TAFA1: variants seen among roughly 807,000 people sequenced by gnomAD.
TAFA1 encodes chemokine-like protein TAFA-1.
A neutral mutation model predicts 18.5 loss-of-function variants in TAFA1; 4 were observed. The ratio of observed to expected loss-of-function variants is 0.22; its 90% confidence interval spans 0.11 to 0.49. The LOEUF is 0.49. Ranked by LOEUF, TAFA1 falls within the 20% of genes least tolerant of loss-of-function variation. The probability of loss-of-function intolerance (pLI) is 0.98; values close to 1 mark genes in which losing one functional copy is unlikely to be tolerated. For synonymous variants in TAFA1, 56 were observed against 55.2 expected (o/e 1.01, Z -0.06); for missense variants, 147 against 169.0 (o/e 0.87, Z 0.72).
chr3:68,030,067 G>T (rs892607627), intron 2 of TAFA1, among the ~76,000 whole-genome samples: 1 of 151,970 alleles, frequency 6.6e-6, no homozygotes, highest in African/African-American at 2.4e-5. Flanking sequence ...TTTTCTTCAG[G>T]ATATTAACTT....
At chr3:68,372,243 A>G (rs1041710747) in intron 2 of TAFA1, among the ~76,000 whole-genome samples, 1 of 152,170 alleles carries the variant, frequency 6.6e-6, no homozygotes, top group African/African-American at 2.4e-5. Flanking sequence ...AGTGATGACT[A>G]TTTTTGTGGT....
intron 2 of TAFA1, among the ~76,000 whole-genome samples, chr3:68,063,295 A>G (rs1240262832): frequency 6.6e-6 from 1 of 152,224 alleles, no homozygotes; most frequent in Non-Finnish European, 1.5e-5. Flanking sequence ...ACTGAGCTAC[A>G]TACTTTCCCT....
chr3:68,228,387 G>A (rs769390479), intron 2 of TAFA1, among the ~76,000 whole-genome samples: 11 of 152,112 alleles, frequency 7.2e-5, no homozygotes, highest in Non-Finnish European at 1.3e-4. Context: ...AAGTAGCTAG[G>A]ACTGCAAGTG....
intron 2 of TAFA1, among the ~76,000 whole-genome samples, chr3:68,193,839 A>G (rs1304578286): frequency 1.3e-5 from 2 of 151,646 alleles, no homozygotes; most frequent in African/African-American, 4.8e-5. Context: ...GTAACAAACA[A>G]CCCTCAAACC....
At chr3:68,535,846 A>G (rs921975522) in intron 3 of TAFA1, among the ~76,000 whole-genome samples, 4 of 151,938 alleles carry the variant, frequency 2.6e-5, no homozygotes, top group African/African-American at 9.7e-5. Flanking sequence ...GGGATGGGGG[A>G]AAGTTTTTGT....
chr3:68,311,825 C>A (rs2068523512), intron 2 of TAFA1, among the ~76,000 whole-genome samples: 1 of 152,236 alleles, frequency 6.6e-6, no homozygotes, highest in Non-Finnish European at 1.5e-5. Context: ...CACAGCTCCA[C>A]TAGGAGTGCC....
At chr3:68,093,058 T>C (rs2065046670) in intron 2 of TAFA1, among the ~76,000 whole-genome samples, 1 of 152,154 alleles carries the variant, frequency 6.6e-6, no homozygotes, top group African/African-American at 2.4e-5. Context: ...GTTTATTTCC[T>C]CTCGAAAGTC....
chr3:68,544,428 C>G, intron 4 of TAFA1, 58 bp from the exon 5 acceptor site: 4 of 1,565,210 alleles, frequency 2.6e-6, no homozygotes, highest in Non-Finnish European at 3.5e-6. Flanking sequence ...AATCACATTT[C>G]TTTGTGCCTT....
chr3:68,027,387 G>GA (rs1393474980), intron 2 of TAFA1, among the ~76,000 whole-genome samples: 1 of 152,132 alleles, frequency 6.6e-6, no homozygotes, highest in African/African-American at 2.4e-5. Flanking sequence ...ATCTCTCAGT[G>GA]AAGAGCCATT....
chr3:68,435,888 C>T (rs538840025), intron 3 of TAFA1, among the ~76,000 whole-genome samples: 1 of 152,168 alleles, frequency 6.6e-6, no homozygotes, highest in Non-Finnish European at 1.5e-5. Flanking sequence ...CGATTAACGT[C>T]CTGCCAGACT....
chr3:68,117,442 G>T (rs949420002), intron 2 of TAFA1, among the ~76,000 whole-genome samples: 33 of 152,294 alleles, frequency 2.2e-4, no homozygotes, highest in African/African-American at 7.7e-4. Flanking sequence ...GGTATGATTT[G>T]CTATAATCCC....
chr3:68,080,911 C>A (rs1226835354), intron 2 of TAFA1, among the ~76,000 whole-genome samples: 2 of 152,146 alleles, frequency 1.3e-5, no homozygotes, highest in East Asian at 3.9e-4. Flanking sequence ...AGAGTGTTTT[C>A]CAACTTGGTT....
chr3:68,269,097 C>T (rs1290949433), intron 2 of TAFA1, among the ~76,000 whole-genome samples: 1 of 152,040 alleles, frequency 6.6e-6, no homozygotes, highest in Non-Finnish European at 1.5e-5. Flanking sequence ...TTTTGCTGAA[C>T]TGTTTGAGGC....
intron 2 of TAFA1, among the ~76,000 whole-genome samples, chr3:68,327,437 A>C (rs1325204606): frequency 6.6e-6 from 1 of 152,164 alleles, no homozygotes; most frequent in Non-Finnish European, 1.5e-5. Context: ...TGTATAACTG[A>C]GGGGATACAA....
rs79315247 is a variant in TAFA1, at chr3:68,290,542, A to G, written c.119-126738A>G. ...TTGAACCTTTGTTGACTGAAGCTGC[A>G]TATTAACCACATCCCATTCAGACCA... is the stretch of plus-strand genomic sequence containing the variant. On this transcript the variant is annotated intron_variant, in intron 2 of 4. Coordinates refer to ENST00000478136, the MANE Select transcript of TAFA1 (RefSeq NM_213609.4). Among the ~76,000 whole-genome samples the G allele has an allele frequency of 8.3e-3, 1,264 of 152,270 alleles. 13 individuals carry two copies. The highest frequency in any genetic ancestry group is 0.029 in the African/African-American group (1,196 of 41,564).
intron 2 of TAFA1, among the ~76,000 whole-genome samples, chr3:68,007,081 A>G (rs1255807691): frequency 6.6e-6 from 1 of 152,204 alleles, no homozygotes; most frequent in Non-Finnish European, 1.5e-5. Context: ...TGAGGATTTT[A>G]CCTACTATAA....
chr3:68,412,176 G>A (rs1559657984), intron 2 of TAFA1, among the ~76,000 whole-genome samples: 1 of 152,080 alleles, frequency 6.6e-6, no homozygotes, highest in Non-Finnish European at 1.5e-5. Flanking sequence ...TGAAAATGGA[G>A]CATTTGTCAT....
chr3:68,136,377 G>C (rs1244817587), intron 2 of TAFA1, among the ~76,000 whole-genome samples: 1 of 152,192 alleles, frequency 6.6e-6, no homozygotes, highest in Admixed American at 6.5e-5. Flanking sequence ...TCAGGCTGAA[G>C]CTCTGCTGTA....
chr3:68,417,185 A>G lies in TAFA1; in HGVS notation c.119-95A>G, dbSNP rs575132961. 64 of 945,212 alleles carry G rather than the reference A, an allele frequency of 6.8e-5. 1 individual carries two copies. In the East Asian group the frequency reaches 9.1e-4, roughly 13 times the overall value. The allele number at this position is 945,212 out of a possible 1,614,324, so 58.6% of individuals were successfully genotyped here. A position where few individuals can be genotyped will look rare whatever the true frequency, so the allele number is the denominator to read the frequency against. ...CATGGAAACTGTTTCTATAATTTCA[A>G]TTACTTTCCTCAACCCCGCTACATG... On this transcript the variant is annotated intron_variant, in intron 2 of 4. Coordinates refer to ENST00000478136, the MANE Select transcript of TAFA1 (RefSeq NM_213609.4).
Sources: allele counts gnomAD v4.1 joint callset (sites outside exome capture counted in the v4.1 genomes callset), GRCh38; gene constraint gnomAD v4.1.1; transcripts MANE v1.5; gene names NCBI Gene and HGNC (gene_info 2026-07-23, HGNC 2026-07-21).